The following MATCAP2 variants were observed in gnomAD, a reference collection of about 807,000 sequenced individuals.
MATCAP2 encodes the protein putative tyrosine carboxypeptidase MATCAP2.
the MATCAP2 span, among the ~76,000 whole-genome samples, chr7:36,350,823 T>G: frequency 1.3e-5 from 2 of 152,152 alleles, no homozygotes; most frequent in East Asian, 3.9e-4. Context: ...GTATCAATGT[T>G]TACAAACTGG....
chr7:36,330,869 T>C, the MATCAP2 span: 1 of 619,644 alleles, frequency 1.6e-6, no homozygotes, highest in East Asian at 2.5e-5. Flanking sequence ...GAAAATTTGT[T>C]CTGACAATAA....
At chr7:36,370,087 T>C in the MATCAP2 span, among the ~76,000 whole-genome samples, 2 of 152,238 alleles carry the variant, frequency 1.3e-5, no homozygotes, top group African/African-American at 2.4e-5. Context: ...AATTCATGAA[T>C]ACAAAGAGTT....
chr7:36,377,913 T>C, the MATCAP2 span, among the ~76,000 whole-genome samples: 1 of 152,368 alleles, frequency 6.6e-6, no homozygotes, highest in Non-Finnish European at 1.5e-5. Context: ...AGCTTCTGCA[T>C]GCATCATGTA....
At chr7:36,334,058 T>C in the MATCAP2 span, 1 of 1,614,186 alleles carries the variant, frequency 6.2e-7, no homozygotes, top group Non-Finnish European at 8.5e-7. Context: ...TGCTTGCTAG[T>C]CCTTCCTCTG....
At chr7:36,364,069 G>T in the MATCAP2 span, among the ~76,000 whole-genome samples, 1 of 147,226 alleles carries the variant, frequency 6.8e-6, no homozygotes, top group African/African-American at 2.5e-5. Flanking sequence ...AATCCCGGAA[G>T]CTAAAGTAGA....
chr7:36,363,942 T>C, the MATCAP2 span, among the ~76,000 whole-genome samples: 2 of 152,184 alleles, frequency 1.3e-5, no homozygotes, highest in Non-Finnish European at 2.9e-5. Context: ...TAGGGAAATA[T>C]TCTGAATCAT....
At chr7:36,325,467 T>A in the MATCAP2 span, 1 of 152,348 alleles carries the variant, frequency 6.6e-6, no homozygotes, top group Non-Finnish European at 1.5e-5. Context: ...TTTTCTAGCA[T>A]GAATGTGAAC....
At chr7:36,373,173 T>C in the MATCAP2 span, among the ~76,000 whole-genome samples, 1 of 150,326 alleles carries the variant, frequency 6.7e-6, no homozygotes, top group Non-Finnish European at 1.5e-5. Context: ...TTAGCACATA[T>C]GACAGGGATG....
the MATCAP2 span, among the ~76,000 whole-genome samples, chr7:36,379,619 T>G: frequency 1.2e-4 from 18 of 152,214 alleles, no homozygotes; most frequent in African/African-American, 4.3e-4. Context: ...TATGTGAATA[T>G]GTACAGTCGT....
At chr7:36,388,693 C>T in the MATCAP2 span, among the ~76,000 whole-genome samples, 2 of 152,170 alleles carry the variant, frequency 1.3e-5, no homozygotes, top group Non-Finnish European at 2.9e-5. Context: ...GGAGACACAG[C>T]CTTAGCTAGT....
the MATCAP2 span, among the ~76,000 whole-genome samples, chr7:36,375,022 C>T: frequency 2.0e-5 from 3 of 152,268 alleles, no homozygotes; most frequent in Admixed American, 2.0e-4. Flanking sequence ...GTCTTTATAG[C>T]AGCATGATTT....
At chr7:36,358,669 A>G in the MATCAP2 span, among the ~76,000 whole-genome samples, 1 of 152,116 alleles carries the variant, frequency 6.6e-6, no homozygotes, top group Non-Finnish European at 1.5e-5. Context: ...GTTGATCTGC[A>G]TTCTTTCATT....
chr7:36,336,154 C>T, the MATCAP2 span: 2 of 1,530,566 alleles, frequency 1.3e-6, no homozygotes, highest in South Asian at 1.2e-5. Context: ...CAGTTCATAC[C>T]TCCCCTAGGC....
the MATCAP2 span, among the ~76,000 whole-genome samples, chr7:36,379,843 C>CAGAGAGAG: frequency 8.2e-4 from 104 of 127,442 alleles, no homozygotes; most frequent in East Asian, 5.4e-4. Context: ...CACACACACA[C>CAGAGAGAG]ACACAGAGAG....
the MATCAP2 span, chr7:36,326,629 GA>G: frequency 1.3e-6 from 1 of 741,526 alleles, no homozygotes; most frequent in Non-Finnish European, 2.1e-6. Flanking sequence ...AAATTCCGCT[GA>G]ATACTGAAGA....
chr7:36,365,701 AAAC>A, the MATCAP2 span, among the ~76,000 whole-genome samples: 23 of 152,348 alleles, frequency 1.5e-4, no homozygotes, highest in East Asian at 7.7e-4. Context: ...TCCGTCTCAA[AAAC>A]AACAACAACA....
chr7:36,389,451 C>T, the MATCAP2 span, among the ~76,000 whole-genome samples: 3 of 151,966 alleles, frequency 2.0e-5, no homozygotes, highest in Non-Finnish European at 2.9e-5. Context: ...CAGCCATGAC[C>T]TCCTGGGCTC....
chr7:36,334,155 T>C, the MATCAP2 span: 1 of 1,608,938 alleles, frequency 6.2e-7, no homozygotes, highest in Non-Finnish European at 8.5e-7. Context: ...TCGAAAATAA[T>C]GTGTACCTAT....
the MATCAP2 span, among the ~76,000 whole-genome samples, chr7:36,339,783 A>C: frequency 6.6e-6 from 1 of 152,238 alleles, no homozygotes; most frequent in Non-Finnish European, 1.5e-5. Flanking sequence ...TGAACTGTGA[A>C]GACTTAAAAA....
Sources: gnomAD v4.1 joint callset for allele counts (sites outside exome capture counted in the v4.1 genomes callset) on GRCh38, gnomAD v4.1.1 for gene constraint, MANE v1.5 for transcripts, NCBI Gene and HGNC (gene_info 2026-07-23, HGNC 2026-07-21) for gene names.